Variants in MAP2 observed in about 807,000 individuals in gnomAD.
MAP2 encodes microtubule-associated protein 2.
Under a neutral mutation model 137.6 loss-of-function variants are expected in MAP2, and 14 were observed. That is an observed-to-expected ratio of 0.10 (90% CI 0.07 to 0.16). MAP2 has a LOEUF of 0.16. Ranked by LOEUF, MAP2 falls within the 10% of genes least tolerant of loss-of-function variation. MAP2 has a pLI of 1.00. For synonymous variants in MAP2, 786 were observed against 782.3 expected, an observed-to-expected ratio of 1.00 and a Z score of -0.08; for missense variants, 2,088 against 2,191.5, an observed-to-expected ratio of 0.95 and a Z score of 0.94.
chr2:209,641,948 T>G (rs747297552), intron 4 of MAP2, among the ~76,000 whole-genome samples: 10 of 152,166 alleles, frequency 6.6e-5, no homozygotes, highest in Non-Finnish European at 1.5e-4. Flanking sequence ...TGGAGTGGAT[T>G]CTCTTTTTAG....
At chr2:209,688,901 CAG>C (rs1166884986) in intron 7 of MAP2, among the ~76,000 whole-genome samples, 1 of 152,126 alleles carries the variant, frequency 6.6e-6, no homozygotes, top group African/African-American at 2.4e-5. Context: ...CTTTTGAAAA[CAG>C]AACACCAATA....
At chr2:209,570,388 C>A (rs1027371634) in intron 2 of MAP2, among the ~76,000 whole-genome samples, 1 of 151,862 alleles carries the variant, frequency 6.6e-6, no homozygotes, top group Non-Finnish European at 1.5e-5. Context: ...CTGTGTTCCC[C>A]TGGGCACTTT....
rs1336013744 is a variant in MAP2 at position 209,695,224 on chromosome 2, T to C, written c.3054T>C (p.Gly1018=). ...CATCCTCTGAGAAAGCAGAGAAGGG[T>C]CTTAGTTCAGTGCCAGAGATAGCTG... ...TDASSEKAEK[G]LSSVPEIAEV... is the part of the protein sequence containing the mutation. The change falls in exon 8 of 16, where the codon GGT becomes GGC. Residue 1018 remains glycine (G), a synonymous_variant. Coordinates refer to ENST00000682079, the MANE Select transcript of MAP2 (RefSeq NM_001375505.1). The C allele has an allele frequency of 6.2e-7, 1 of 1,613,952 alleles. No individual in the cohort carries two copies. Among genetic ancestry groups the C allele is most frequent in the Non-Finnish European group, 8.5e-7 (1 of 1,179,968 alleles).
intron 3 of MAP2, among the ~76,000 whole-genome samples, chr2:209,589,757 C>T (rs1422344129): frequency 6.6e-6 from 1 of 152,120 alleles, no homozygotes; most frequent in Non-Finnish European, 1.5e-5. Context: ...GTTCTGAGTT[C>T]CACAGAATTT....
chr2:209,663,802 A>G lies in MAP2; in HGVS notation c.262+10370A>G, dbSNP rs567613627. 5.3e-5 allele frequency among the ~76,000 whole-genome samples: 8 copies of G among 152,354 alleles called. No individual in the cohort carries two copies. The East Asian group carries it at 1.4e-3, about 26-fold the overall frequency. On this transcript the variant is annotated intron_variant, in intron 5 of 15. Transcript: ENST00000682079. ...TTCTTGCAAAGCATCTCCAGCATGA[A>G]TGATCAGTCCTCCGATTGGTCTAAA...
intron 2 of MAP2, among the ~76,000 whole-genome samples, chr2:209,540,190 T>C (rs80071346): frequency 6.9e-6 from 1 of 145,326 alleles, no homozygotes; most frequent in African/African-American, 2.6e-5. Flanking sequence ...TTAGATAAAA[T>C]AGAAATATAT....
chr2:209,644,792 C>A (rs2094308494), intron 4 of MAP2, among the ~76,000 whole-genome samples: 1 of 151,974 alleles, frequency 6.6e-6, no homozygotes, highest in African/African-American at 2.4e-5. Context: ...TCAAATAACC[C>A]CTTTTAGACT....
intron 1 of MAP2, among the ~76,000 whole-genome samples, chr2:209,507,382 A>AT (rs974706334): frequency 3.9e-5 from 6 of 152,058 alleles, no homozygotes; most frequent in African/African-American, 1.2e-4. Context: ...TTTAATATAT[A>AT]TTTTTTTCAA....
chr2:209,694,883 C>A lies in MAP2; in HGVS notation c.2713C>A (p.Arg905=). 3 of 1,614,062 alleles carry A rather than the reference C, an allele frequency of 1.9e-6. No individual in the cohort carries two copies. The highest frequency in any genetic ancestry group is 2.5e-6 in the Non-Finnish European group (3 of 1,180,014). The part of the protein sequence containing the change: ...TFYEGTDDKV[R]RDLATDLSLI... ...TTACGAAGGCACTGATGATAAAGTTCGAAGAGATTTGGCCACAGACCTTTC... is the reference window on the plus strand; with the variant it reads ...TTACGAAGGCACTGATGATAAAGTTAGAAGAGATTTGGCCACAGACCTTTC... The change falls in exon 8 of 16, where the codon CGA becomes AGA. Residue 905 remains arginine (R), a synonymous_variant. Transcript: ENST00000682079.
At chr2:209,656,073 T>C (rs1370338448) in intron 5 of MAP2, among the ~76,000 whole-genome samples, 2 of 152,214 alleles carry the variant, frequency 1.3e-5, no homozygotes, top group African/African-American at 2.4e-5. Flanking sequence ...CCAAGATCCT[T>C]ACTTTTTTCC....
chr2:209,661,287 T>C (rs991535462), intron 5 of MAP2, among the ~76,000 whole-genome samples: 14 of 152,170 alleles, frequency 9.2e-5, no homozygotes, highest in Non-Finnish European at 1.5e-5. Context: ...AATATATTAA[T>C]TTATGCGGAG....
intron 1 of MAP2, among the ~76,000 whole-genome samples, chr2:209,424,561 G>A: frequency 6.6e-6 from 1 of 152,216 alleles, no homozygotes; most frequent in Non-Finnish European, 1.5e-5. Flanking sequence ...TGAAACAACT[G>A]AAAACTTACG....
At chr2:209,443,166 C>A (rs1698230300) in intron 1 of MAP2, among the ~76,000 whole-genome samples, 2 of 151,334 alleles carry the variant, frequency 1.3e-5, no homozygotes, top group Non-Finnish European at 3.0e-5. Context: ...TCAGAAATAC[C>A]AATCTACTAT....
rs150234213 is a variant in MAP2 at position 209,604,457 on chromosome 2, C to T, written c.-106-20596C>T. Among the ~76,000 whole-genome samples the T allele has an allele frequency of 4.6e-3, 694 of 152,186 alleles. 6 individuals carry two copies. Among genetic ancestry groups the T allele is most frequent in the Middle Eastern group, 0.027 (8 of 294 alleles). Reference sequence around the variant, plus strand: ...TGGTCTAAAGAAACTCACCAATATTCATTTTGGTGATACATTTGTTCTCTA... The same window carrying T: ...TGGTCTAAAGAAACTCACCAATATTTATTTTGGTGATACATTTGTTCTCTA... On this transcript the variant is annotated intron_variant, in intron 3 of 15. Transcript: ENST00000682079.
rs192760474 is a variant in MAP2 at position 209,581,616 on chromosome 2, C to A, written c.-107+1516C>A. ...GAAAAAAAATCTATTTGGTATTTGC[C>A]CATCTGATTAAATCCAGAGAGCATA... is the stretch of plus-strand genomic sequence containing the variant. On this transcript the variant is annotated intron_variant, in intron 3 of 15. Coordinates refer to ENST00000682079, the MANE Select transcript of MAP2 (RefSeq NM_001375505.1). Among the ~76,000 whole-genome samples, 6 of 152,040 alleles carry A rather than the reference C, an allele frequency of 3.9e-5. No individual in the cohort carries two copies. In the East Asian group the frequency reaches 1.2e-3, roughly 29 times the overall value.
intron 2 of MAP2, among the ~76,000 whole-genome samples, chr2:209,573,454 C>CTGTATTTTTATTTTTAGT (rs1559336346): frequency 6.6e-6 from 1 of 151,736 alleles, no homozygotes; most frequent in Non-Finnish European, 1.5e-5. Flanking sequence ...CCACCACACC[C>CTGTATTTTTATTTTTAGT]AGCTAATTTT....
At chr2:209,587,248 C>G (rs1273735929) in intron 3 of MAP2, among the ~76,000 whole-genome samples, 7 of 152,104 alleles carry the variant, frequency 4.6e-5, no homozygotes, top group Admixed American at 4.6e-4. Flanking sequence ...CATCACACTC[C>G]TCTGTGGGAA....
chr2:209,628,458 T>G (rs1228866037), intron 4 of MAP2, among the ~76,000 whole-genome samples: 1 of 152,188 alleles, frequency 6.6e-6, no homozygotes, highest in Non-Finnish European at 1.5e-5. Flanking sequence ...AGTACCAAGC[T>G]CATGCCTGTC....
At chr2:209,437,937 A>T (rs1234958566) in intron 1 of MAP2, among the ~76,000 whole-genome samples, 1 of 151,628 alleles carries the variant, frequency 6.6e-6, no homozygotes, top group East Asian at 1.9e-4. Flanking sequence ...TTGCATTTCA[A>T]CCAGATGTGG....
Sources: gnomAD v4.1 joint callset for allele counts (sites outside exome capture counted in the v4.1 genomes callset) on GRCh38, gnomAD v4.1.1 for gene constraint, MANE v1.5 for transcripts, NCBI Gene and HGNC (gene_info 2026-07-23, HGNC 2026-07-21) for gene names.